ADGRL3: variants seen among roughly 807,000 people sequenced by gnomAD.
ADGRL3 encodes adhesion G protein-coupled receptor L3.
ADGRL3 carries 62 observed loss-of-function variants against 153.5 expected under a neutral mutation model. The ratio of observed to expected loss-of-function variants is 0.40; its 90% CI spans 0.33 to 0.50. The LOEUF (loss-of-function observed/expected upper bound fraction) is 0.50. Among genes scored for constraint, ADGRL3 ranks in the 20% least tolerant of loss-of-function variants. ADGRL3 has a pLI of 0.47. For missense variants in ADGRL3, 1,641 were observed against 1,859.4 expected (o/e 0.88, Z 2.16); for synonymous variants, 710 against 672.5 (o/e 1.06, Z -0.86).
At chr4:61,922,090 ACAAG>A (rs2098772626) in intron 13 of ADGRL3, among the ~76,000 whole-genome samples, 1 of 152,216 alleles carries the variant, frequency 6.6e-6, no homozygotes, top group African/African-American at 2.4e-5. Flanking sequence ...GTAAAAATAA[ACAAG>A]CAAGCCAAAA....
chr4:61,406,221 A>G (rs1348924003), intron 2 of ADGRL3, among the ~76,000 whole-genome samples: 3 of 151,918 alleles, frequency 2.0e-5, no homozygotes, highest in Non-Finnish European at 4.4e-5. Context: ...CATAGCTAAC[A>G]TGTGGGAAAG....
At chr4:61,791,842 A>C (rs970666223) in intron 8 of ADGRL3, among the ~76,000 whole-genome samples, 1 of 152,194 alleles carries the variant, frequency 6.6e-6, no homozygotes, top group Non-Finnish European at 1.5e-5. Context: ...GCACCCTCTG[A>C]AGCCATGGCC....
chr4:61,641,301 T>C (rs1388921633), intron 5 of ADGRL3, among the ~76,000 whole-genome samples: 1 of 151,988 alleles, frequency 6.6e-6, no homozygotes, highest in African/African-American at 2.4e-5. Context: ...ATTTTTTATT[T>C]ATTATTATTG....
At chr4:62,064,874 T>C (rs2151892974) in intron 25 of ADGRL3, among the ~76,000 whole-genome samples, 1 of 152,166 alleles carries the variant, frequency 6.6e-6, no homozygotes, top group East Asian at 1.9e-4. Context: ...AAGTCAATAA[T>C]CAAAAGTGAC....
At chr4:61,482,435 G>GA (rs2098140859) in intron 2 of ADGRL3, among the ~76,000 whole-genome samples, 1 of 152,054 alleles carries the variant, frequency 6.6e-6, no homozygotes, top group African/African-American at 2.4e-5. Context: ...TTTCTAGCCG[G>GA]AGCCAAATAT....
chr4:61,501,994 G>A (rs1281656006), intron 3 of ADGRL3, among the ~76,000 whole-genome samples: 9 of 152,080 alleles, frequency 5.9e-5, no homozygotes, highest in Admixed American at 5.9e-4. Context: ...ATGAGACCTG[G>A]CAGAAGTAAA....
At chr4:61,791,804 A>G (rs1015660102) in intron 8 of ADGRL3, among the ~76,000 whole-genome samples, 20 of 152,310 alleles carry the variant, frequency 1.3e-4, no homozygotes, top group African/African-American at 4.8e-4. Context: ...ACTCAGCACC[A>G]TGTGGAAGCT....
Position 61,496,332 on chromosome 4 carries a change from G to A in ADGRL3, c.-173-789G>A, listed in dbSNP as rs550030951. 2.2e-4 allele frequency among the ~76,000 whole-genome samples: 34 copies of A among 152,254 alleles called. 1 individual carries two copies. In the South Asian group the frequency reaches 7.0e-3, roughly 32 times the overall value. On this transcript the variant is annotated intron_variant, in intron 2 of 26. Coordinates refer to ENST00000683033, the MANE Select transcript of ADGRL3 (RefSeq NM_001387552.1). The stretch of plus-strand genomic sequence containing the variant: ...TAATTATACTGTGGTATAACCCCAT[G>A]GGGCTTACTTTGTGTAAGCTTTACC...
chr4:61,699,968 A>AC (rs2095718551), intron 6 of ADGRL3, among the ~76,000 whole-genome samples: 3 of 150,780 alleles, frequency 2.0e-5, no homozygotes, highest in South Asian at 2.1e-4. Flanking sequence ...ACACACACAC[A>AC]AAAACACACA....
Position 61,848,032 on chromosome 4 carries a change from TTA to T in ADGRL3, c.1480+34152_1480+34153del, listed in dbSNP as rs1374664239. Among the ~76,000 whole-genome samples, 54 of 7,820 alleles carry T rather than the reference TTA, an allele frequency of 6.9e-3. 6 individuals are homozygous for T. The highest frequency in any genetic ancestry group is 0.033 in the South Asian group (7 of 214). The allele number at this position is 7,820 out of a possible 152,430, so 5.1% of individuals were successfully genotyped here. On this transcript the variant is annotated intron_variant, in intron 9 of 26. Coordinates refer to ENST00000683033, the MANE Select transcript of ADGRL3 (RefSeq NM_001387552.1). ...TATTATATATATAATATAAAATATA[TTA>T]TATATATAATATAAAATATATTATA...
intron 1 of ADGRL3, among the ~76,000 whole-genome samples, chr4:61,291,585 TATATATATATATATATATACACACAC>T (rs1331874590): frequency 8.4e-5 from 1 of 11,950 alleles, no homozygotes; most frequent in African/African-American, 1.6e-4. Context: ...TATATATACA[TATATATATATATATATATACACACAC>T]ATATATATAT....
intron 5 of ADGRL3, among the ~76,000 whole-genome samples, chr4:61,650,190 T>C (rs1244801771): frequency 6.6e-6 from 1 of 152,194 alleles, no homozygotes; most frequent in Non-Finnish European, 1.5e-5. Context: ...TAAGGATGTA[T>C]ACTGTAAATT....
intron 2 of ADGRL3, among the ~76,000 whole-genome samples, chr4:61,395,507 A>G (rs906599932): frequency 1.3e-5 from 2 of 151,916 alleles, no homozygotes; most frequent in African/African-American, 4.8e-5. Flanking sequence ...GATAATTTCT[A>G]TTAACTTTGC....
intron 1 of ADGRL3, among the ~76,000 whole-genome samples, chr4:61,323,235 A>G (rs1240453001): frequency 6.6e-6 from 1 of 152,032 alleles, no homozygotes; most frequent in Non-Finnish European, 1.5e-5. Flanking sequence ...CCAGGAAACC[A>G]CTTTTTCTAC....
At chr4:61,773,813 G>A (rs1333292868) in intron 8 of ADGRL3, among the ~76,000 whole-genome samples, 9 of 152,058 alleles carry the variant, frequency 5.9e-5, no homozygotes, top group Non-Finnish European at 1.3e-4. Flanking sequence ...CGGGGTGATT[G>A]GAATTTAGGG....
chr4:61,822,721 T>G (rs528436864), intron 9 of ADGRL3, among the ~76,000 whole-genome samples: 1 of 152,292 alleles, frequency 6.6e-6, no homozygotes, highest in Middle Eastern at 3.4e-3. Context: ...AGTAGAATGA[T>G]CTGGTAGTTT....
chr4:61,273,433 C>G (rs766781183), intron 1 of ADGRL3, among the ~76,000 whole-genome samples: 13 of 152,156 alleles, frequency 8.5e-5, no homozygotes, highest in Non-Finnish European at 1.9e-4. Context: ...CATGAATGTG[C>G]CCATGCACTT....
At chr4:61,948,342 C>CATATAGTTAGGACTATT in intron 17 of ADGRL3, 66 bp downstream of exon 17, 1 of 1,201,144 alleles carries the variant, frequency 8.3e-7, no homozygotes, top group Non-Finnish European at 1.2e-6. Context: ...GTAAATAGTC[C>CATATAGTTAGGACTATT]TAACTATATG....
intron 2 of ADGRL3, among the ~76,000 whole-genome samples, chr4:61,406,193 A>T (rs1171277332): frequency 6.6e-6 from 1 of 151,916 alleles, no homozygotes; most frequent in Admixed American, 6.6e-5. Context: ...GGATAAAAAA[A>T]AAAATTGTGG....
Sources: gnomAD v4.1 joint callset for allele counts (sites outside exome capture counted in the v4.1 genomes callset) on GRCh38, gnomAD v4.1.1 for gene constraint, MANE v1.5 for transcripts, NCBI Gene and HGNC (gene_info 2026-07-23, HGNC 2026-07-21) for gene names.